The following SZT2 variants were observed in gnomAD, a reference collection of about 807,000 sequenced individuals.
SZT2 encodes the protein KICSTOR complex protein SZT2.
A neutral mutation model predicts 404.2 loss-of-function variants in SZT2; 216 were observed. The ratio of observed to expected loss-of-function variants is 0.53; its 90% CI spans 0.48 to 0.60. The LOEUF is 0.60. SZT2 is among the 20% of genes least tolerant of loss of function. The probability of loss-of-function intolerance (pLI) is 0.00; values close to 1 mark genes in which losing one functional copy is unlikely to be tolerated. For synonymous variants in SZT2, 1,693 were observed against 1,749.9 expected, an observed-to-expected ratio of 0.97 and a Z score of 0.81; for missense variants, 3,857 against 4,459.2, an observed-to-expected ratio of 0.86 and a Z score of 3.85.
intron 1 of SZT2, among the ~76,000 whole-genome samples, chr1:43,402,253 A>G (rs900923374): frequency 6.6e-6 from 1 of 152,198 alleles, no homozygotes; most frequent in Admixed American, 6.5e-5. Flanking sequence ...AATGAATGTG[A>G]CAGATAAGCA....
At chr1:43,423,484 T>G (rs1570635291) in intron 15 of SZT2, among the ~76,000 whole-genome samples, 168 bp downstream of exon 15, 6 of 100,526 alleles carry the variant, frequency 6.0e-5, no homozygotes, top group African/African-American at 1.2e-4. Context: ...CGGGGTGAGG[T>G]GTGGAAGGGC....
intron 1 of SZT2, among the ~76,000 whole-genome samples, chr1:43,399,137 T>A (rs937546663): frequency 6.6e-6 from 1 of 152,192 alleles, no homozygotes; most frequent in Non-Finnish European, 1.5e-5. Flanking sequence ...GCTACTTTAA[T>A]CATCCTTGAT....
rs376440375 is a variant in SZT2, at chr1:43,389,965, T to C, written c.-4T>C. ...GGCCCGGGCCGGCGCGGGAGGGCTG[T>C]GTGATGGCCTCGGAGCGCCCGGAGC... On this transcript the variant is annotated 5_prime_UTR_variant, in exon 1 of 72. Transcript: ENST00000634258. 142 of 1,423,298 alleles carry C rather than the reference T, an allele frequency of 1.0e-4. No homozygotes were observed. Among genetic ancestry groups the C allele is most frequent in the Non-Finnish European group, 1.3e-5 (14 of 1,090,090 alleles). The allele number at this position is 1,423,298 out of a possible 1,614,324, so 88.2% of individuals were successfully genotyped here.
intron 4 of SZT2, among the ~76,000 whole-genome samples, chr1:43,413,044 G>C (rs1651264494): frequency 6.6e-6 from 1 of 152,184 alleles, no homozygotes; most frequent in Non-Finnish European, 1.5e-5. Context: ...AGGTAACGTT[G>C]TGCACTCTTG....
rs748178811 is a variant in SZT2, at chr1:43,448,132, C to T, written c.9617C>T (p.Thr3206Ile). The T allele has an allele frequency of 6.2e-7, 1 of 1,607,498 alleles. No individual in the cohort carries two copies. ...TSQRELFPRL[T>I]ADMRRFRKPP... Reference sequence around the variant, plus strand: ...CAGCGAGAGCTCTTCCCCAGGCTCACTGCTGACATGCGCCGCTTCCGGAAG... The same window carrying T: ...CAGCGAGAGCTCTTCCCCAGGCTCATTGCTGACATGCGCCGCTTCCGGAAG... The change falls in exon 69 of 72, where the codon ACT becomes ATT. Residue 3206 changes from threonine to isoleucine, a missense_variant. Thr to Ile is a moderately conservative substitution (Grantham distance 89). Coordinates refer to ENST00000634258, the MANE Select transcript of SZT2 (RefSeq NM_001365999.1). The surrounding 1 kb of genome is among the most constrained non-coding windows in gnomAD (Gnocchi z 4.2).
chr1:43,453,665 C>G lies in SZT2; in HGVS notation c.*3185C>G, dbSNP rs1245713056. The G allele has an allele frequency of 3.4e-6, 5 of 1,483,626 alleles. No homozygotes were observed. The highest frequency in any genetic ancestry group is 4.4e-6 in the Non-Finnish European group (5 of 1,125,248). 91.9% of individuals were successfully genotyped at this position (1,483,626 alleles called of 1,614,324 possible). On this transcript the variant is annotated 3_prime_UTR_variant, in exon 72 of 72. Coordinates refer to ENST00000634258, the MANE Select transcript of SZT2 (RefSeq NM_001365999.1). The stretch of plus-strand genomic sequence containing the variant: ...CGGCGCGCGCCAGCGCCTCAGGCGT[C>G]TCCGCGTACGGCCAGGCCACCTCGA...
At chr1:43,410,462 G>A (rs1185315330) in intron 4 of SZT2, 9 of 150,692 alleles carry the variant, frequency 6.0e-5, no homozygotes, top group African/African-American at 2.2e-4. Flanking sequence ...GGCTGAGGCA[G>A]GAGAATCGCT....
intron 28 of SZT2, 109 bp downstream of exon 28, chr1:43,428,595 T>C: frequency 6.9e-7 from 1 of 1,441,464 alleles, no homozygotes; most frequent in Non-Finnish European, 9.3e-7. Flanking sequence ...TCTAAGCACC[T>C]GAGAAGCAGT....
rs905104677 is a variant in SZT2, at chr1:43,441,154, C to T, written c.7345-60C>T. ...CTAGCTCACTGCTGTTCCATAGTGCCCCCATCCCACACCTTTCCTCTTCCC... is the reference window on the plus strand; with the variant it reads ...CTAGCTCACTGCTGTTCCATAGTGCTCCCATCCCACACCTTTCCTCTTCCC... On this transcript the variant is annotated intron_variant, in intron 52 of 71. Transcript: ENST00000634258. The surrounding 1 kb of genome is among the most constrained non-coding windows in gnomAD (Gnocchi z 4.8). 1.7e-4 allele frequency: 271 copies of T among 1,576,046 alleles called. 1 individual carries two copies. In the Admixed American group the frequency reaches 4.6e-3, roughly 27 times the overall value.
Position 43,432,520 on chromosome 1 carries a change from C to A in SZT2, c.5446C>A (p.Leu1816Met). 1 of 1,604,972 alleles carries A rather than the reference C, an allele frequency of 6.2e-7. No homozygotes were observed. The highest frequency in any genetic ancestry group is 8.5e-7 in the Non-Finnish European group (1 of 1,175,776). Residue 1816 changes from leucine (L) to methionine (M), a missense_variant, in exon 38 of 72, where the codon CTG (leucine) becomes ATG (methionine). Leu to Met is a conservative substitution (Grantham distance 15). Transcript: ENST00000634258. ...DRAEGIEGET[L>M]TASPQAPGSP... ...GTCCTGACTTCCTATTCCTCAGACCCTGACAGCCAGCCCCCAAGCACCTGG... is the reference window on the plus strand; with the variant it reads ...GTCCTGACTTCCTATTCCTCAGACCATGACAGCCAGCCCCCAAGCACCTGG...
At chr1:43,413,991 G>A (rs1450677080) in intron 4 of SZT2, among the ~76,000 whole-genome samples, 2 of 152,146 alleles carry the variant, frequency 1.3e-5, no homozygotes, top group Non-Finnish European at 2.9e-5. Flanking sequence ...TAGGATAAAT[G>A]CCTGAGGTGG....
At position 43,424,351 on chromosome 1, in the gene SZT2, G is replaced by T. The variant is rs1369282204; in HGVS notation, c.2390G>T (p.Arg797Leu). 3 of 1,597,970 alleles carry T rather than the reference G, an allele frequency of 1.9e-6. No homozygotes were observed. The highest frequency in any genetic ancestry group is 2.7e-5 in the African/African-American group (2 of 74,846). Reference protein sequence around the residue: ...ASLSRYLYHQRWLWSVPSGLA... With the variant: ...ASLSRYLYHQLWLWSVPSGLA... Reference sequence around the variant, plus strand: ...CTGTCCCGCTACCTCTACCATCAGCGCTGGCTTTGGAGTGTCCCGTCAGGA... The same window carrying T: ...CTGTCCCGCTACCTCTACCATCAGCTCTGGCTTTGGAGTGTCCCGTCAGGA... The change falls in exon 16 of 72, where the codon CGC (arginine) becomes CTC (leucine). Residue 797 changes from arginine to leucine, a missense_variant. Physicochemically the swap from Arg to Leu is moderately radical, Grantham distance 102. Transcript: ENST00000634258. This position sits in a 1 kb window ranked among gnomAD's most constrained non-coding sequence, Gnocchi z 4.1.
chr1:43,442,813 T>C lies in SZT2; in HGVS notation c.8152-6T>C. 6.3e-7 allele frequency: 1 copy of C among 1,592,090 alleles called. No homozygotes were observed. The highest frequency in any genetic ancestry group is 8.6e-7 in the Non-Finnish European group (1 of 1,168,372). On this transcript the variant is annotated splice_region_variant and splice_polypyrimidine_tract_variant and intron_variant, in intron 58 of 71. Coordinates refer to ENST00000634258, the MANE Select transcript of SZT2 (RefSeq NM_001365999.1). This position sits in a 1 kb window ranked among gnomAD's most constrained non-coding sequence, Gnocchi z 4.5. ...TATGAACCCATTGCAATGCTCCATC[T>C]CTCAGGAGCCAAACCCATTCCTGCT...
chr1:43,403,485 G>A lies in SZT2; in HGVS notation c.154-116G>A, dbSNP rs1043385867. ...CCAGAGAGTGAGAGGAAGAGTATAC[G>A]GTTAGATTGAGGGAGGTAGAGCCAA... On this transcript the variant is annotated intron_variant, in intron 2 of 71. Transcript: ENST00000634258. 10 of 1,416,476 alleles carry A rather than the reference G, an allele frequency of 7.1e-6. No individual in the cohort carries two copies. In the Admixed American group the frequency reaches 1.1e-4, roughly 15 times the overall value. The allele number at this position is 1,416,476 out of a possible 1,614,324, so 87.7% of individuals were successfully genotyped here.
At position 43,446,232 on chromosome 1, in the gene SZT2, C is replaced by A. The variant is rs1344759218; in HGVS notation, c.8970C>A (p.Gly2990=). The A allele has an allele frequency of 1.2e-6, 2 of 1,614,138 alleles. No homozygotes were observed. Among genetic ancestry groups the A allele is most frequent in the Non-Finnish European group, 1.7e-6 (2 of 1,180,056 alleles). ...TYHLQRALPG[G]IILMELAFQG... is the part of the protein sequence containing the mutation. Reference sequence around the variant, plus strand: ...ACCTGCAGCGGGCACTGCCTGGGGGCATCATCCTCATGGAACTGGCATTCC... The same window carrying A: ...ACCTGCAGCGGGCACTGCCTGGGGGAATCATCCTCATGGAACTGGCATTCC... Residue 2990 remains glycine, a synonymous_variant, in exon 64 of 72, where the codon GGC becomes GGA. Transcript: ENST00000634258.
Position 43,430,989 on chromosome 1 carries a change from C to G in SZT2, c.4815C>G (p.Gly1605=). The G allele has an allele frequency of 6.2e-7, 1 of 1,614,170 alleles. No homozygotes were observed. Among genetic ancestry groups the G allele is most frequent in the Non-Finnish European group, 8.5e-7 (1 of 1,180,018 alleles). The stretch of plus-strand genomic sequence containing the variant: ...GTCTGGAGGGCCCCCCAGTTGGAGG[C>G]CGAGTTCCCTTGAGGGACCTCAGTG... ...LSSLEGPPVG[G]RVPLRDLSVT... The change falls in exon 33 of 72, where the codon GGC becomes GGG. Residue 1605 remains glycine, a synonymous_variant. Coordinates refer to ENST00000634258, the MANE Select transcript of SZT2 (RefSeq NM_001365999.1).
chr1:43,403,895 T>C (rs1366747264), intron 3 of SZT2, 121 bp downstream of exon 3: 4 of 1,124,208 alleles, frequency 3.6e-6, no homozygotes, highest in Non-Finnish European at 5.2e-6. Context: ...GACAGGCTTA[T>C]AAAGGAATGA....
intron 7 of SZT2, among the ~76,000 whole-genome samples, chr1:43,417,407 G>T (rs778914492): frequency 6.6e-6 from 1 of 152,210 alleles, no homozygotes; most frequent in African/African-American, 2.4e-5. Context: ...CTGGGTAGCA[G>T]CAGAGCAAAA....
rs1055385718 is a variant in SZT2, at chr1:43,447,049, A to G, written c.9167A>G (p.Gln3056Arg). ...GACTTCCATCTGCGCCTCGTGCATC[A>G]GCACGTGCTAGGTGCCCATCTGGTG... is the stretch of plus-strand genomic sequence containing the variant. Reference protein sequence around the residue: ...SYDFHLRLVHQHVLGAHLVLR... With the variant: ...SYDFHLRLVHRHVLGAHLVLR... The change falls in exon 66 of 72, where the codon CAG becomes CGG. Residue 3056 changes from glutamine to arginine, a missense_variant. Gln to Arg is a conservative substitution (Grantham distance 43). Transcript: ENST00000634258. The G allele has an allele frequency of 1.2e-6, 2 of 1,613,856 alleles. No homozygotes were observed. Among genetic ancestry groups the G allele is most frequent in the Non-Finnish European group, 1.7e-6 (2 of 1,180,032 alleles).
Sources: gnomAD v4.1 joint callset for allele counts (sites outside exome capture counted in the v4.1 genomes callset) on GRCh38, gnomAD v4.1.1 for gene constraint, Gnocchi (gnomAD v3.1) non-coding constraint, MANE v1.5 for transcripts, NCBI Gene and HGNC (gene_info 2026-07-23, HGNC 2026-07-21) for gene names.